The following STRBP variants were observed in gnomAD, a reference collection of about 807,000 sequenced individuals.
STRBP encodes the protein spermatid perinuclear RNA-binding protein.
In STRBP, 13 loss-of-function variants were observed where a neutral mutation model predicts 80.1. That is an observed-to-expected ratio of 0.16 (90% CI 0.11 to 0.26). STRBP has a LOEUF of 0.26. Among genes scored for constraint, STRBP ranks in the 10% least tolerant of loss-of-function variants. The pLI, the probability that STRBP is intolerant of heterozygous loss-of-function variation, is 1.00. For synonymous variants in STRBP, 284 were observed against 291.2 expected (o/e 0.98, Z 0.25); for missense variants, 485 against 815.2 (o/e 0.59, Z 4.93).
intron 4 of STRBP, among the ~76,000 whole-genome samples, chr9:123,174,855 T>C (rs577909654): frequency 3.0e-4 from 45 of 152,346 alleles, no homozygotes; most frequent in Non-Finnish European, 5.7e-4. Flanking sequence ...TTCTTATTGG[T>C]TCATTTCCCT....
At chr9:123,257,541 A>G (rs1481935576) in intron 1 of STRBP, among the ~76,000 whole-genome samples, 1 of 152,242 alleles carries the variant, frequency 6.6e-6, no homozygotes, top group Non-Finnish European at 1.5e-5. Context: ...CTGGCTGGGC[A>G]CACTGGCTCA....
chr9:123,140,551 G>A (rs747846849), intron 13 of STRBP, among the ~76,000 whole-genome samples: 3 of 151,932 alleles, frequency 2.0e-5, no homozygotes, highest in Non-Finnish European at 2.9e-5. Context: ...CGGAGATTGC[G>A]CCACTGCACT....
At chr9:123,225,443 T>TAC (rs2040204802) in intron 2 of STRBP, among the ~76,000 whole-genome samples, 1 of 152,212 alleles carries the variant, frequency 6.6e-6, no homozygotes, top group Admixed American at 6.5e-5. Context: ...GGTTGTGGTA[T>TAC]ACACGTGTTA....
chr9:123,154,353 C>T (rs955466313), intron 11 of STRBP, among the ~76,000 whole-genome samples: 1 of 152,222 alleles, frequency 6.6e-6, no homozygotes, highest in Non-Finnish European at 1.5e-5. Context: ...ACTTAGGACC[C>T]ATTTCTGGAA....
chr9:123,177,649 C>G (rs41344246), intron 4 of STRBP, among the ~76,000 whole-genome samples: 2,520 of 152,240 alleles, frequency 0.017, 79 homozygotes, highest in African/African-American at 0.058. Context: ...AATCACAGAC[C>G]TCATCCAGTT....
chr9:123,220,420 G>T (rs1365009228), intron 2 of STRBP, among the ~76,000 whole-genome samples: 4 of 152,274 alleles, frequency 2.6e-5, no homozygotes, highest in African/African-American at 9.6e-5. Flanking sequence ...CAATCTAAAT[G>T]TATCCACACA....
At chr9:123,252,028 A>ATT (rs71390423) in intron 1 of STRBP, among the ~76,000 whole-genome samples, 29 of 144,694 alleles carry the variant, frequency 2.0e-4, no homozygotes, top group African/African-American at 5.8e-4. Context: ...AGCACCATCT[A>ATT]TTTTTTTTTT....
chr9:123,130,280 T>C (rs2036079082), intron 17 of STRBP, among the ~76,000 whole-genome samples: 6 of 152,216 alleles, frequency 3.9e-5, no homozygotes, highest in Admixed American at 3.9e-4. Context: ...CAGAATATAC[T>C]GTGCAAATGG....
At chr9:123,117,376 G>A (rs7467999), downstream of STRBP, among the ~76,000 whole-genome samples, 1 of 152,182 alleles carries the variant, frequency 6.6e-6, no homozygotes, top group African/African-American at 2.4e-5. Flanking sequence ...CCTGAGCAGA[G>A]ACCCAGCTGT....
intron 2 of STRBP, among the ~76,000 whole-genome samples, chr9:123,229,398 T>C (rs1259224554): frequency 6.6e-6 from 1 of 152,156 alleles, no homozygotes; most frequent in East Asian, 1.9e-4. Flanking sequence ...TTAAAAACAG[T>C]TGAATAGAGA....
intron 2 of STRBP, among the ~76,000 whole-genome samples, chr9:123,204,030 C>T (rs781182429): frequency 1.3e-5 from 2 of 152,134 alleles, no homozygotes; most frequent in Non-Finnish European, 2.9e-5. Flanking sequence ...CTCACAGCAG[C>T]CCCTCCCAAA....
intron 1 of STRBP, among the ~76,000 whole-genome samples, chr9:123,264,969 T>C (rs2041237965): frequency 6.6e-6 from 1 of 152,214 alleles, no homozygotes; most frequent in Non-Finnish European, 1.5e-5. Flanking sequence ...TATATCCTAC[T>C]GCTCAAATTC....
chr9:123,221,250 C>CT (rs1055978821), intron 2 of STRBP, among the ~76,000 whole-genome samples: 7 of 152,138 alleles, frequency 4.6e-5, no homozygotes, highest in Admixed American at 3.3e-4. Context: ...CAAAGACCCT[C>CT]TCTCTGTCCC....
At chr9:123,203,408 T>C (rs1486369266) in intron 2 of STRBP, among the ~76,000 whole-genome samples, 1 of 152,038 alleles carries the variant, frequency 6.6e-6, no homozygotes, top group South Asian at 2.1e-4. Flanking sequence ...CAAAACCTTC[T>C]AATAGTTTCC....
intron 7 of STRBP, 51 bp from the exon 8 acceptor site, chr9:123,160,513 T>G (rs756133197): frequency 1.4e-6 from 2 of 1,445,662 alleles, no homozygotes; most frequent in Admixed American, 2.0e-5. Flanking sequence ...CTATTCTTCA[T>G]TTTGGGCAAG....
chr9:123,236,209 G>A (rs2040557338), intron 2 of STRBP, among the ~76,000 whole-genome samples: 1 of 152,074 alleles, frequency 6.6e-6, no homozygotes, highest in South Asian at 2.1e-4. Flanking sequence ...ACATAGTACA[G>A]CAAAATTATT....
intron 1 of STRBP, among the ~76,000 whole-genome samples, chr9:123,251,403 C>T (rs2040914343): frequency 6.6e-6 from 1 of 152,194 alleles, no homozygotes; most frequent in Admixed American, 6.5e-5. Context: ...CTCAGATTTA[C>T]TTGCCAAAGG....
chr9:123,171,822 T>TA (rs1323750210), intron 5 of STRBP, among the ~76,000 whole-genome samples: 1 of 152,252 alleles, frequency 6.6e-6, no homozygotes, highest in Non-Finnish European at 1.5e-5. Context: ...ATATCTTTTT[T>TA]AGTTTCTTTA....
At chr9:123,253,991 T>C (rs1197557105) in intron 1 of STRBP, among the ~76,000 whole-genome samples, 1 of 152,228 alleles carries the variant, frequency 6.6e-6, no homozygotes, top group Non-Finnish European at 1.5e-5. Context: ...ATGTTTCATT[T>C]AAACTGAATC....
Sources: gnomAD v4.1 joint callset for allele counts (sites outside exome capture counted in the v4.1 genomes callset) on GRCh38, gnomAD v4.1.1 for gene constraint, MANE v1.5 for transcripts, NCBI Gene and HGNC (gene_info 2026-07-23, HGNC 2026-07-21) for gene names.